Variants in COL25A1 observed in about 807,000 individuals in gnomAD.
COL25A1 encodes collagen alpha-1(XXV) chain.
COL25A1 carries 103 observed loss-of-function variants against 128.4 expected under a neutral mutation model. The ratio of observed to expected loss-of-function variants is 0.80; its 90% confidence interval spans 0.68 to 0.94. The LOEUF is 0.94. COL25A1 is among the 40% of genes least tolerant of loss of function. COL25A1 has a pLI of 0.00. For missense variants in COL25A1, 745 were observed against 840.0 expected, an observed-to-expected ratio of 0.89 and a Z score of 1.40; for synonymous variants, 279 against 277.2, an observed-to-expected ratio of 1.01 and a Z score of -0.06.
intron 6 of COL25A1, among the ~76,000 whole-genome samples, chr4:109,007,571 CT>C (rs1295159335): frequency 1.3e-5 from 2 of 151,950 alleles, no homozygotes; most frequent in Non-Finnish European, 2.9e-5. Context: ...TATTGACTTC[CT>C]TTTGCTGTGA....
At chr4:109,064,687 T>C (rs371962360) in intron 3 of COL25A1, among the ~76,000 whole-genome samples, 1 of 152,220 alleles carries the variant, frequency 6.6e-6, no homozygotes, top group Non-Finnish European at 1.5e-5. Context: ...CTACAGAATA[T>C]TAGACTTCTT....
chr4:108,909,957 A>G (rs908490117), intron 13 of COL25A1, among the ~76,000 whole-genome samples: 1 of 152,062 alleles, frequency 6.6e-6, no homozygotes, highest in African/African-American at 2.4e-5. Context: ...CTGCACGGCC[A>G]CCCAGGGGCT....
intron 3 of COL25A1, among the ~76,000 whole-genome samples, chr4:109,132,725 C>T (rs1406187035): frequency 1.3e-5 from 2 of 152,030 alleles, no homozygotes; most frequent in Non-Finnish European, 2.9e-5. Context: ...TAAGTAATGA[C>T]ATAGATTTTT....
chr4:109,274,700 G>A (rs1394026576), intron 3 of COL25A1, among the ~76,000 whole-genome samples: 1 of 152,074 alleles, frequency 6.6e-6, no homozygotes, highest in African/African-American at 2.4e-5. Flanking sequence ...TAAGACCCCT[G>A]AAAATATTAA....
At chr4:109,213,213 G>C (rs1777716570) in intron 3 of COL25A1, among the ~76,000 whole-genome samples, 1 of 152,140 alleles carries the variant, frequency 6.6e-6, no homozygotes, top group Non-Finnish European at 1.5e-5. Context: ...TCTAATCTAA[G>C]ATGACAGAAG....
chr4:109,117,678 T>G (rs912588135), intron 3 of COL25A1, among the ~76,000 whole-genome samples: 1 of 151,992 alleles, frequency 6.6e-6, no homozygotes, highest in Non-Finnish European at 1.5e-5. Flanking sequence ...TATTCAGTTA[T>G]GTGTGCTCAT....
chr4:109,063,096 T>TAC (rs1762111524), intron 3 of COL25A1, among the ~76,000 whole-genome samples: 1 of 152,192 alleles, frequency 6.6e-6, no homozygotes, highest in Non-Finnish European at 1.5e-5. Flanking sequence ...TAAAGAACAA[T>TAC]GTTAGCCAAT....
intron 18 of COL25A1, among the ~76,000 whole-genome samples, chr4:108,888,058 C>A (rs749002028): frequency 6.6e-6 from 1 of 152,020 alleles, no homozygotes; most frequent in African/African-American, 2.4e-5. Flanking sequence ...TTGCAAAGTT[C>A]TGCTAGGCTC....
intron 13 of COL25A1, among the ~76,000 whole-genome samples, chr4:108,905,642 T>C (rs2125873272): frequency 6.6e-6 from 1 of 152,162 alleles, no homozygotes; most frequent in East Asian, 1.9e-4. Context: ...TTGCATTATA[T>C]TTCTGTTTCT....
At chr4:108,928,851 C>A (rs1746397477) in intron 11 of COL25A1, among the ~76,000 whole-genome samples, 1 of 151,998 alleles carries the variant, frequency 6.6e-6, no homozygotes, top group African/African-American at 2.4e-5. Flanking sequence ...GCCTGGCCAA[C>A]CTTAAATTTA....
At chr4:109,140,381 T>C (rs1770278016) in intron 3 of COL25A1, among the ~76,000 whole-genome samples, 1 of 152,204 alleles carries the variant, frequency 6.6e-6, no homozygotes, top group South Asian at 2.1e-4. Context: ...TCCAGCTTTG[T>C]TCTTTTGGCT....
chr4:108,824,326 T>C lies in COL25A1; in HGVS notation c.1792-99A>G, dbSNP rs993740469. ...AGGATTTTACATTTCTGAGCTTAAATATAACAAGAAATGGCTCACCAGTGT... is the reference window on the plus strand; with the variant it reads ...AGGATTTTACATTTCTGAGCTTAAACATAACAAGAAATGGCTCACCAGTGT... On this transcript the variant is annotated intron_variant, in intron 34 of 37. Transcript: ENST00000399132. 9 of 844,468 alleles carry C rather than the reference T, an allele frequency of 1.1e-5. No individual in the cohort carries two copies. In the African/African-American group the frequency reaches 1.2e-4, roughly 11 times the overall value. The allele number at this position is 844,468 out of a possible 1,614,324, so 52.3% of individuals were successfully genotyped here. A position where few individuals can be genotyped will look rare whatever the true frequency, so the allele number is the denominator to read the frequency against.
Position 109,056,463 on chromosome 4 carries a change from T to A in COL25A1, c.368-6284A>T, listed in dbSNP as rs542626922. Reference sequence around the variant, plus strand: ...ATATTTTTTAGATCAAATAAAAATATGAAATATTTAATTTTATGAATAGTC... The same window carrying A: ...ATATTTTTTAGATCAAATAAAAATAAGAAATATTTAATTTTATGAATAGTC... On this transcript the variant is annotated intron_variant, in intron 3 of 37. Coordinates refer to ENST00000399132, the MANE Select transcript of COL25A1 (RefSeq NM_198721.4). 1.5e-4 allele frequency among the ~76,000 whole-genome samples: 23 copies of A among 152,266 alleles called. No individual in the cohort carries two copies. In the South Asian group the frequency reaches 4.6e-3, roughly 30 times the overall value.
At chr4:108,820,577 A>C (rs1257846285) in intron 35 of COL25A1, among the ~76,000 whole-genome samples, 2 of 152,190 alleles carry the variant, frequency 1.3e-5, no homozygotes, top group Non-Finnish European at 2.9e-5. Flanking sequence ...TAAAAGTGCT[A>C]ATACTTTGCA....
chr4:109,084,279 C>A (rs2125998805), intron 3 of COL25A1, among the ~76,000 whole-genome samples: 1 of 152,116 alleles, frequency 6.6e-6, no homozygotes, highest in East Asian at 1.9e-4. Context: ...AGGGACTTCC[C>A]TAACTAACGT....
intron 3 of COL25A1, among the ~76,000 whole-genome samples, chr4:109,245,937 G>T (rs1261836559): frequency 6.7e-6 from 1 of 149,786 alleles, no homozygotes; most frequent in Non-Finnish European, 1.5e-5. Context: ...TTGCCCATGG[G>T]TAGGAGAGAT....
At chr4:109,213,440 A>C (rs1235487101) in intron 3 of COL25A1, among the ~76,000 whole-genome samples, 1 of 152,184 alleles carries the variant, frequency 6.6e-6, no homozygotes, top group Admixed American at 6.6e-5. Flanking sequence ...GGATGCTGGC[A>C]GCTTTCACTT....
chr4:108,936,669 G>C (rs762249680), intron 11 of COL25A1, among the ~76,000 whole-genome samples: 1 of 151,930 alleles, frequency 6.6e-6, no homozygotes, highest in Non-Finnish European at 1.5e-5. Flanking sequence ...CATTTCACCA[G>C]GGATCCTGCA....
intron 3 of COL25A1, among the ~76,000 whole-genome samples, chr4:109,140,804 C>T (rs972067183): frequency 4.6e-5 from 7 of 152,276 alleles, no homozygotes; most frequent in Middle Eastern, 3.4e-3. Flanking sequence ...ACTTTGCTGA[C>T]GTTGCTTATC....
Sources: allele counts gnomAD v4.1 joint callset (sites outside exome capture counted in the v4.1 genomes callset), GRCh38; gene constraint gnomAD v4.1.1; transcripts MANE v1.5; gene names NCBI Gene and HGNC (gene_info 2026-07-23, HGNC 2026-07-21).